The following CEMIP2 variants were observed in gnomAD, a reference collection of about 807,000 sequenced individuals.
The protein encoded by CEMIP2 is cell migration inducing hyaluronidase 2, also known as cell surface hyaluronidase CEMIP2.
In CEMIP2, 79 loss-of-function variants were observed where a neutral mutation model predicts 146.9. The ratio of observed to expected loss-of-function variants is 0.54; its 90% CI spans 0.45 to 0.65. The LOEUF (loss-of-function observed/expected upper bound fraction) is 0.65, where lower values mean the gene tolerates loss of function less well. Ranked by LOEUF, CEMIP2 falls within the 30% of genes least tolerant of loss-of-function variation. The pLI is 0.00. For missense variants in CEMIP2, 1,596 were observed against 1,696.2 expected (o/e 0.94, Z 1.04); for synonymous variants, 601 against 606.3 (o/e 0.99, Z 0.13).
chr9:71,710,415 G>A lies in CEMIP2; in HGVS notation c.2770-941C>T, dbSNP rs148476849. On this transcript the variant is annotated intron_variant, in intron 16 of 23. Coordinates refer to ENST00000377044, the MANE Select transcript of CEMIP2 (RefSeq NM_013390.3). Reference sequence around the variant, plus strand: ...AACTGTGACGTCTAGGACAAGTAGCGGCAAGTTCTTGGTTCCACACTTCTC... The same window carrying A: ...AACTGTGACGTCTAGGACAAGTAGCAGCAAGTTCTTGGTTCCACACTTCTC... Among the ~76,000 whole-genome samples the A allele has an allele frequency of 1.7e-3, 253 of 152,190 alleles. 1 individual carries two copies. Among genetic ancestry groups the A allele is most frequent in the Middle Eastern group, 0.014 (4 of 294 alleles).
At chr9:71,767,067 T>C (rs1331632733) in intron 1 of CEMIP2, among the ~76,000 whole-genome samples, 1 of 152,216 alleles carries the variant, frequency 6.6e-6, no homozygotes, top group East Asian at 1.9e-4. Context: ...GTATAGGTAA[T>C]CAGACCCACA....
At chr9:71,697,831 G>A (rs1293) in intron 20 of CEMIP2, 154 bp downstream of exon 20, 266,193 of 684,206 alleles carry the variant, frequency 0.39, 52,671 homozygotes, top group African/African-American at 0.46. Flanking sequence ...TGCTTCTTAC[G>A]CGCTTCACAT....
intron 15 of CEMIP2, among the ~76,000 whole-genome samples, chr9:71,712,936 T>C (rs896740084): frequency 3.9e-5 from 6 of 152,236 alleles, no homozygotes; most frequent in Admixed American, 2.0e-4. Flanking sequence ...AATTCTTTAA[T>C]TGCATGGCAG....
intron 8 of CEMIP2, 65 bp from the exon 9 acceptor site, chr9:71,730,318 G>T: frequency 6.7e-7 from 1 of 1,486,346 alleles, no homozygotes. Flanking sequence ...AGTGACAAGC[G>T]CTATCCAGTG....
chr9:71,712,119 G>T lies in CEMIP2; in HGVS notation c.2733C>A (p.Pro911=). Residue 911 remains proline (P), a synonymous_variant, in exon 16 of 24, where the codon CCC becomes CCA. Coordinates refer to ENST00000377044, the MANE Select transcript of CEMIP2 (RefSeq NM_013390.3). ...FLMKNSWQIT[P]RNNISLVKFG... ...ACTTCACGAGGGAGATATTATTCCTGGGGGTTATCTGCCAGGAATTCTTCA... is the reference window on the plus strand; with the variant it reads ...ACTTCACGAGGGAGATATTATTCCTTGGGGTTATCTGCCAGGAATTCTTCA... 1 of 1,614,102 alleles carries T rather than the reference G, an allele frequency of 6.2e-7. No homozygotes were observed. The highest frequency in any genetic ancestry group is 8.5e-7 in the Non-Finnish European group (1 of 1,180,008).
chr9:71,753,449 G>C (rs556176582), intron 1 of CEMIP2, among the ~76,000 whole-genome samples: 1 of 152,218 alleles, frequency 6.6e-6, no homozygotes, highest in South Asian at 2.1e-4. Context: ...ACAAACTAAA[G>C]GGGTCAATAA....
intron 21 of CEMIP2, among the ~76,000 whole-genome samples, chr9:71,691,169 T>C (rs1369011575): frequency 6.6e-6 from 1 of 152,196 alleles, no homozygotes; most frequent in Non-Finnish European, 1.5e-5. Context: ...GGCTTACGCC[T>C]GTAATCCAAT....
intron 7 of CEMIP2, among the ~76,000 whole-genome samples, chr9:71,731,143 A>G (rs1220283239): frequency 6.6e-6 from 1 of 152,238 alleles, no homozygotes; most frequent in East Asian, 1.9e-4. Context: ...ATAAAGGCAA[A>G]TGTAATCAGG....
intron 5 of CEMIP2, among the ~76,000 whole-genome samples, chr9:71,738,168 C>A (rs891322643): frequency 7.9e-5 from 12 of 152,196 alleles, no homozygotes; most frequent in African/African-American, 2.9e-4. Context: ...CCAAATTTCA[C>A]ATTTTTGCCA....
At position 71,685,364 on chromosome 9, in the gene CEMIP2, T is replaced by G. The variant is rs1170523795; in HGVS notation, c.3985A>C (p.Asn1329His). The part of the protein sequence containing the change: ...GSTIFLGFSG[N>H]FKPSWTKLFT... Reference sequence around the variant, plus strand: ...AGCTTAGTCCATGATGGTTTAAAGTTTCCACTGAATCCCAAAAATATGGTA... The same window carrying G: ...AGCTTAGTCCATGATGGTTTAAAGTGTCCACTGAATCCCAAAAATATGGTA... The change falls in exon 24 of 24, where the codon AAC (asparagine) becomes CAC (histidine). Residue 1329 changes from asparagine (N) to histidine (H), a missense_variant. Physicochemically the swap from Asn to His is moderately conservative, Grantham distance 68. Transcript: ENST00000377044. 2.6e-6 allele frequency: 4 copies of G among 1,546,434 alleles called. No homozygotes were observed. The highest frequency in any genetic ancestry group is 3.5e-6 in the Non-Finnish European group (4 of 1,155,092).
In CEMIP2 at chr9:71,685,177, A is replaced by G; in HGVS notation, c.*20T>C. The G allele has an allele frequency of 6.4e-7, 1 of 1,562,994 alleles. No individual in the cohort carries two copies. On this transcript the variant is annotated 3_prime_UTR_variant, in exon 24 of 24. Transcript: ENST00000377044. ...TAGTTCACATTTTTTTTCCCCCAGC[A>G]CTTAAGTTACAGTTAGTCTCTAATG... is the stretch of plus-strand genomic sequence containing the variant.
chr9:71,720,488 C>T (rs973498618), intron 12 of CEMIP2, among the ~76,000 whole-genome samples: 1 of 152,178 alleles, frequency 6.6e-6, no homozygotes, highest in African/African-American at 2.4e-5. Context: ...GATGGGGCTT[C>T]ACCGTGTTGG....
At chr9:71,740,005 A>T (rs895324606) in intron 5 of CEMIP2, 58 bp downstream of exon 5, 5 of 1,496,946 alleles carry the variant, frequency 3.3e-6, no homozygotes, top group Non-Finnish European at 4.5e-6. Context: ...CTTAGAAAAA[A>T]AAAATCTGTC....
At chr9:71,729,085 C>A (rs952410199) in intron 10 of CEMIP2, among the ~76,000 whole-genome samples, 2 of 151,942 alleles carry the variant, frequency 1.3e-5, no homozygotes, top group African/African-American at 4.8e-5. Context: ...AGCGATCCAA[C>A]AGCCTCGGCC....
intron 22 of CEMIP2, among the ~76,000 whole-genome samples, chr9:71,689,540 A>C (rs1822165997): frequency 6.6e-6 from 1 of 152,244 alleles, no homozygotes; most frequent in African/African-American, 2.4e-5. Context: ...TTGCACACTC[A>C]GCCACTTCAA....
At chr9:71,744,893 G>C in intron 4 of CEMIP2, 125 bp downstream of exon 4, 3 of 997,594 alleles carry the variant, frequency 3.0e-6, no homozygotes, top group Non-Finnish European at 4.4e-6. Context: ...TACCAGACAT[G>C]CAAATGGTAG....
chr9:71,743,432 A>G (rs184722795), intron 4 of CEMIP2, among the ~76,000 whole-genome samples: 5 of 152,300 alleles, frequency 3.3e-5, no homozygotes, highest in Admixed American at 6.5e-5. Flanking sequence ...TTCAAAAACA[A>G]AAACCAGAAA....
intron 19 of CEMIP2, chr9:71,699,378 C>A (rs978020345): frequency 2.3e-6 from 1 of 437,140 alleles, no homozygotes. Context: ...CCCAGGAGAT[C>A]AAGGCTGTAG....
chr9:71,738,974 G>A (rs909965280), intron 5 of CEMIP2, among the ~76,000 whole-genome samples: 2 of 151,844 alleles, frequency 1.3e-5, no homozygotes, highest in Non-Finnish European at 2.9e-5. Context: ...ATTTTTTCTT[G>A]GCTTTAAAAG....
Sources: allele counts gnomAD v4.1 joint callset (sites outside exome capture counted in the v4.1 genomes callset), GRCh38; gene constraint gnomAD v4.1.1; transcripts MANE v1.5; gene names NCBI Gene and HGNC (gene_info 2026-07-23, HGNC 2026-07-21).